Variants in ATP8A2 observed in about 807,000 individuals in gnomAD.
ATP8A2 encodes phospholipid-transporting ATPase IB.
ATP8A2 carries 100 observed loss-of-function variants against 165.6 expected under a neutral mutation model. The ratio of observed to expected loss-of-function variants is 0.60; its 90% CI spans 0.51 to 0.71. The LOEUF is 0.71. Among genes scored for constraint, ATP8A2 ranks in the 30% least tolerant of loss-of-function variants. The probability of loss-of-function intolerance (pLI) is 0.00; values close to 1 mark genes in which losing one functional copy is unlikely to be tolerated. For missense variants in ATP8A2, 1,227 were observed against 1,479.5 expected, an observed-to-expected ratio of 0.83 and a Z score of 2.80; for synonymous variants, 543 against 548.8, an observed-to-expected ratio of 0.99 and a Z score of 0.15.
At chr13:25,768,921 T>A (rs2044553763) in intron 25 of ATP8A2, 125 bp from the exon 26 acceptor site, 1 of 915,866 alleles carries the variant, frequency 1.1e-6, no homozygotes, top group South Asian at 1.4e-5. Context: ...CACATGAGCA[T>A]AAAATGGATG....
At chr13:25,915,093 A>G (rs997520300) in intron 33 of ATP8A2, among the ~76,000 whole-genome samples, 1 of 152,224 alleles carries the variant, frequency 6.6e-6, no homozygotes, top group Non-Finnish European at 1.5e-5. Flanking sequence ...CTTCTGTTCT[A>G]AAATTATGTT....
At chr13:25,428,110 G>GGAGGTTGAGCCTGC (rs968839626) in intron 1 of ATP8A2, among the ~76,000 whole-genome samples, 13 of 152,188 alleles carry the variant, frequency 8.5e-5, no homozygotes, top group African/African-American at 3.1e-4. Flanking sequence ...CTTGAACCTG[G>GGAGGTTGAGCCTGC]GAGGTTGAGC....
intron 27 of ATP8A2, among the ~76,000 whole-genome samples, chr13:25,777,189 C>T (rs1229656127): frequency 1.3e-5 from 2 of 152,038 alleles, no homozygotes; most frequent in African/African-American, 4.8e-5. Flanking sequence ...CTGCACCACT[C>T]CATGCCCAAT....
chr13:25,829,405 TG>T (rs1404146547), intron 28 of ATP8A2, among the ~76,000 whole-genome samples: 1 of 151,938 alleles, frequency 6.6e-6, no homozygotes, highest in Non-Finnish European at 1.5e-5. Context: ...TACCCATGGA[TG>T]GGGGCTCCAG....
intron 30 of ATP8A2, among the ~76,000 whole-genome samples, chr13:25,844,798 C>T (rs1021170321): frequency 2.6e-5 from 4 of 152,094 alleles, no homozygotes; most frequent in African/African-American, 9.7e-5. Context: ...CACTTGATAC[C>T]TTATGGATGA....
intron 25 of ATP8A2, among the ~76,000 whole-genome samples, chr13:25,703,180 A>T (rs887719566): frequency 1.3e-5 from 2 of 152,130 alleles, no homozygotes; most frequent in African/African-American, 2.4e-5. Flanking sequence ...CCCAGGTTCA[A>T]GCAATTCTCC....
chr13:25,753,030 G>C (rs1593294991), intron 25 of ATP8A2, among the ~76,000 whole-genome samples: 1 of 152,140 alleles, frequency 6.6e-6, no homozygotes, highest in Admixed American at 6.5e-5. Flanking sequence ...ACCAGCGCTG[G>C]CTGCTGTGGG....
intron 25 of ATP8A2, among the ~76,000 whole-genome samples, chr13:25,714,143 GA>G (rs2043208497): frequency 6.6e-6 from 1 of 152,048 alleles, no homozygotes; most frequent in African/African-American, 2.4e-5. Context: ...AGGAAGGAAG[GA>G]AGGAGGGAGG....
intron 35 of ATP8A2, among the ~76,000 whole-genome samples, chr13:26,012,283 A>G (rs1956865651): frequency 6.6e-6 from 1 of 152,144 alleles, no homozygotes; most frequent in African/African-American, 2.4e-5. Context: ...GACCGGGCAC[A>G]TGCACACTTC....
At chr13:25,500,280 A>G (rs1445119300) in intron 2 of ATP8A2, among the ~76,000 whole-genome samples, 3 of 152,158 alleles carry the variant, frequency 2.0e-5, no homozygotes, top group African/African-American at 7.2e-5. Context: ...GCCCTAGAGA[A>G]TTCAAGGGAA....
intron 25 of ATP8A2, among the ~76,000 whole-genome samples, chr13:25,707,438 G>C (rs1358798235): frequency 1.3e-5 from 2 of 152,180 alleles, no homozygotes; most frequent in Non-Finnish European, 2.9e-5. Context: ...TATTTCAGGT[G>C]AGAAATTTTT....
chr13:25,800,807 G>A (rs757695175), intron 27 of ATP8A2, among the ~76,000 whole-genome samples: 3 of 152,062 alleles, frequency 2.0e-5, no homozygotes, highest in Non-Finnish European at 4.4e-5. Context: ...AAGCAACAGT[G>A]AGAATAACTG....
chr13:25,614,286 C>G (rs1254633417), intron 24 of ATP8A2, among the ~76,000 whole-genome samples: 1 of 151,988 alleles, frequency 6.6e-6, no homozygotes, highest in Admixed American at 6.6e-5. Flanking sequence ...GTTCTTTTGT[C>G]TACTTGTTCA....
chr13:25,901,603 A>G (rs1022377448), intron 33 of ATP8A2, among the ~76,000 whole-genome samples: 6 of 152,212 alleles, frequency 3.9e-5, no homozygotes, highest in Admixed American at 6.5e-5. Context: ...CATTATTTTT[A>G]TACACAAATC....
intron 25 of ATP8A2, among the ~76,000 whole-genome samples, chr13:25,755,780 A>G (rs1408303115): frequency 6.6e-6 from 1 of 151,992 alleles, no homozygotes; most frequent in African/African-American, 2.4e-5. Flanking sequence ...GGTGGCGGGC[A>G]TGTATAATCC....
Position 25,881,578 on chromosome 13 carries a change from G to GGAGAGAGAGAGAGAGAAA in ATP8A2, c.3183+19201_3183+19218dup, listed in dbSNP as rs781085789. Among the ~76,000 whole-genome samples, 743 of 149,720 alleles carry GGAGAGAGAGAGAGAGAAA rather than the reference G, an allele frequency of 5.0e-3. 10 individuals carry two copies. Among genetic ancestry groups the GGAGAGAGAGAGAGAGAAA allele is most frequent in the African/African-American group, 0.018 (726 of 40,770 alleles). On this transcript the variant is annotated intron_variant, in intron 33 of 36. Coordinates refer to ENST00000381655, the MANE Select transcript of ATP8A2 (RefSeq NM_016529.6). The stretch of plus-strand genomic sequence containing the variant: ...TAGACTAGGTAAACGTGTCCTCCAT[G>GGAGAGAGAGAGAGAGAAA]GAGAGAGAGAGAGAGAAAGAGAGAG...
chr13:25,880,067 C>T (rs1416076013), intron 33 of ATP8A2, among the ~76,000 whole-genome samples: 2 of 152,166 alleles, frequency 1.3e-5, no homozygotes, highest in Non-Finnish European at 2.9e-5. Context: ...GCCACAGCGG[C>T]GTAGGCCTGT....
intron 25 of ATP8A2, among the ~76,000 whole-genome samples, chr13:25,708,949 G>T (rs2043106182): frequency 1.3e-5 from 2 of 152,204 alleles, no homozygotes; most frequent in Non-Finnish European, 2.9e-5. Context: ...TATGACCATT[G>T]TCATCTGCAG....
intron 33 of ATP8A2, among the ~76,000 whole-genome samples, chr13:25,907,369 AAAATAAAAT>A (rs1953972917): frequency 1.3e-5 from 1 of 77,108 alleles, no homozygotes; most frequent in Admixed American, 1.2e-4. Context: ...ATAAAAAAAT[AAAATAAAAT>A]AAAATAAAAT....
Sources: allele counts gnomAD v4.1 joint callset (sites outside exome capture counted in the v4.1 genomes callset), GRCh38; gene constraint gnomAD v4.1.1; transcripts MANE v1.5; gene names NCBI Gene and HGNC (gene_info 2026-07-23, HGNC 2026-07-21).